Variants in RELN observed in about 807,000 individuals in gnomAD.
RELN encodes reelin.
Under a neutral mutation model 427.6 loss-of-function variants are expected in RELN, and 108 were observed. The observed-to-expected ratio is 0.25, with a 90% CI of 0.22 to 0.30. RELN has a LOEUF of 0.30. RELN is among the 10% of genes least tolerant of loss of function. RELN has a pLI of 1.00. For missense variants in RELN, 3,715 were observed against 4,302.8 expected (o/e 0.86, Z 3.82); for synonymous variants, 1,524 against 1,513.4 (o/e 1.01, Z -0.16).
intron 1 of RELN, among the ~76,000 whole-genome samples, chr7:103,971,458 C>T (rs1175713047): frequency 6.6e-6 from 1 of 151,998 alleles, no homozygotes; most frequent in African/African-American, 2.4e-5. Flanking sequence ...CAGATATGCA[C>T]AAAATTAGTA....
At chr7:103,562,064 G>A in intron 34 of RELN, 111 bp from the exon 35 acceptor site, 1 of 1,281,892 alleles carries the variant, frequency 7.8e-7, no homozygotes, top group South Asian at 1.3e-5. Context: ...TTCCTCCAGG[G>A]TCCAGTTCTC....
chr7:103,689,236 C>A (rs1337182285), intron 10 of RELN, among the ~76,000 whole-genome samples: 1 of 151,892 alleles, frequency 6.6e-6, no homozygotes, highest in East Asian at 1.9e-4. Flanking sequence ...TTGCTATCCA[C>A]ACAATGAACT....
intron 11 of RELN, among the ~76,000 whole-genome samples, chr7:103,676,363 T>A (rs1162517831): frequency 2.6e-5 from 4 of 152,118 alleles, no homozygotes; most frequent in African/African-American, 9.7e-5. Flanking sequence ...CCAGTTAGAA[T>A]GGCAATCATT....
rs398124193 is a variant in RELN at position 103,495,753 on chromosome 7, A to G, written c.9339T>C (p.Ile3113=). 9 of 1,614,066 alleles carry G rather than the reference A, an allele frequency of 5.6e-6. No homozygotes were observed. The highest frequency in any genetic ancestry group is 1.7e-5 in the Admixed American group (1 of 60,020). The change falls in exon 57 of 65, where the codon ATT becomes ATC. Residue 3113 remains isoleucine (I), a synonymous_variant. Transcript: ENST00000428762. ...ACTGCATCATGTATCCTGGCTGTATAATGAGTTCTCGGGAGGAGAGAGCAT... is the reference window on the plus strand; with the variant it reads ...ACTGCATCATGTATCCTGGCTGTATGATGAGTTCTCGGGAGGAGAGAGCAT... ...THNALSSREL[I]IQPGYMMQFK...
intron 57 of RELN, among the ~76,000 whole-genome samples, chr7:103,493,475 T>C (rs1411084040): frequency 6.6e-6 from 1 of 152,106 alleles, no homozygotes; most frequent in Non-Finnish European, 1.5e-5. Flanking sequence ...TGTAGAAATG[T>C]GTAGGGGCTA....
intron 2 of RELN, among the ~76,000 whole-genome samples, chr7:103,870,144 CT>C (rs907746030): frequency 6.6e-6 from 1 of 151,640 alleles, no homozygotes; most frequent in Non-Finnish European, 1.5e-5. Context: ...TCAGACCATG[CT>C]TTTTTTTGTG....
intron 12 of RELN, among the ~76,000 whole-genome samples, chr7:103,658,819 C>T (rs1267036514): frequency 1.3e-5 from 2 of 152,048 alleles, no homozygotes; most frequent in African/African-American, 2.4e-5. Context: ...CTCTCTCTCT[C>T]TCTCTGGCAT....
intron 2 of RELN, among the ~76,000 whole-genome samples, chr7:103,854,073 C>T (rs1793887368): frequency 1.3e-5 from 2 of 152,140 alleles, no homozygotes; most frequent in Non-Finnish European, 2.9e-5. Flanking sequence ...ATCGAAATGT[C>T]ACTCTGTATC....
chr7:103,587,624 A>T (rs991076758), intron 28 of RELN, among the ~76,000 whole-genome samples: 1 of 152,166 alleles, frequency 6.6e-6, no homozygotes, highest in East Asian at 1.9e-4. Flanking sequence ...GCAACTTTTC[A>T]TCCAACAAGG....
At chr7:103,827,934 T>C (rs1335912794) in intron 3 of RELN, among the ~76,000 whole-genome samples, 1 of 152,072 alleles carries the variant, frequency 6.6e-6, no homozygotes, top group Non-Finnish European at 1.5e-5. Flanking sequence ...GTAATTTATT[T>C]TTGCAGTAAG....
intron 46 of RELN, among the ~76,000 whole-genome samples, chr7:103,527,135 A>G (rs1042086930): frequency 2.0e-5 from 3 of 152,098 alleles, no homozygotes; most frequent in African/African-American, 7.2e-5. Context: ...GCACCTTTTA[A>G]CAGATTTCAC....
intron 31 of RELN, among the ~76,000 whole-genome samples, chr7:103,571,278 C>T (rs1032863146): frequency 1.3e-5 from 2 of 152,158 alleles, no homozygotes; most frequent in Non-Finnish European, 2.9e-5. Context: ...GAGGAGGATG[C>T]ATCTGAGAAA....
At chr7:103,636,889 T>C (rs796919836) in intron 17 of RELN, among the ~76,000 whole-genome samples, 19 of 152,296 alleles carry the variant, frequency 1.2e-4, no homozygotes, top group African/African-American at 4.6e-4. Flanking sequence ...AAAATACATG[T>C]TATGTTCGTG....
At chr7:103,736,619 G>A (rs768759030) in intron 6 of RELN, among the ~76,000 whole-genome samples, 14 of 151,982 alleles carry the variant, frequency 9.2e-5, no homozygotes, top group Middle Eastern at 3.4e-3. Context: ...ACGTTATTTG[G>A]GTTAAAAATA....
intron 10 of RELN, 80 bp downstream of exon 10, chr7:103,697,773 T>C: frequency 2.5e-6 from 4 of 1,598,844 alleles, no homozygotes; most frequent in Non-Finnish European, 3.4e-6. Context: ...GCTATCTTTA[T>C]ACAATTTGGT....
At chr7:103,589,403 G>A (rs956262123) in intron 28 of RELN, among the ~76,000 whole-genome samples, 193 bp downstream of exon 28, 2 of 152,146 alleles carry the variant, frequency 1.3e-5, no homozygotes, top group African/African-American at 2.4e-5. Flanking sequence ...AGTGGCCTAT[G>A]AAGTGTTCTG....
At position 103,523,393 on chromosome 7, in the gene RELN, G is replaced by A. The variant is rs749810768; in HGVS notation, c.7488C>T (p.Cys2496=). Residue 2496 remains cysteine, a splice_region_variant and synonymous_variant, in exon 47 of 65, where the codon TGC becomes TGT. Coordinates refer to ENST00000428762, the MANE Select transcript of RELN (RefSeq NM_005045.4). ...SGHGRCIQGN[C]VCDEQWGGLY... ...AAGGAAGAAAAAAACCGACTTACACGCAGTTTCCCTGGATGCATCTCCCAT... is the reference window on the plus strand; with the variant it reads ...AAGGAAGAAAAAAACCGACTTACACACAGTTTCCCTGGATGCATCTCCCAT... 3.1e-6 allele frequency: 5 copies of A among 1,613,888 alleles called. No homozygotes were observed. The highest frequency in any genetic ancestry group is 1.7e-5 in the Admixed American group (1 of 59,986).
At chr7:103,583,235 G>C (rs1831195040) in intron 28 of RELN, among the ~76,000 whole-genome samples, 1 of 152,136 alleles carries the variant, frequency 6.6e-6, no homozygotes, top group African/African-American at 2.4e-5. Flanking sequence ...CTTAGACTGA[G>C]CCATGCTACT....
intron 52 of RELN, among the ~76,000 whole-genome samples, chr7:103,502,493 C>T (rs966444008): frequency 1.3e-5 from 2 of 152,138 alleles, no homozygotes; most frequent in African/African-American, 2.4e-5. Context: ...GGTTTAATCA[C>T]CTCTGCTCAT....
Sources: allele counts gnomAD v4.1 joint callset (sites outside exome capture counted in the v4.1 genomes callset), GRCh38; gene constraint gnomAD v4.1.1; transcripts MANE v1.5; gene names NCBI Gene and HGNC (gene_info 2026-07-23, HGNC 2026-07-21).